The following GRM7 variants were observed in gnomAD, a reference collection of about 807,000 sequenced individuals.
GRM7 encodes the protein glutamate metabotropic receptor 7.
A neutral mutation model predicts 84.5 loss-of-function variants in GRM7; 35 were observed. The observed-to-expected ratio is 0.41, with a 90% CI of 0.32 to 0.55. The LOEUF is 0.55. Among genes scored for constraint, GRM7 ranks in the 20% least tolerant of loss-of-function variants. GRM7 has a pLI of 0.19. For missense variants in GRM7, 1,003 were observed against 1,194.6 expected, an observed-to-expected ratio of 0.84 and a Z score of 2.36; for synonymous variants, 487 against 455.1, an observed-to-expected ratio of 1.07 and a Z score of -0.89.
intron 1 of GRM7, among the ~76,000 whole-genome samples, chr3:6,923,880 C>T (rs540185406): frequency 1.3e-5 from 2 of 152,290 alleles, no homozygotes; most frequent in South Asian, 4.1e-4. Context: ...GATGTGATTT[C>T]TCTTTCTGTT....
intron 4 of GRM7, among the ~76,000 whole-genome samples, chr3:7,314,795 C>A (rs1164535697): frequency 6.6e-6 from 1 of 152,032 alleles, no homozygotes; most frequent in Admixed American, 6.6e-5. Context: ...TTTTTCCTCC[C>A]TTTGAATAAG....
chr3:7,032,020 T>A (rs1696205595), intron 1 of GRM7, among the ~76,000 whole-genome samples: 1 of 152,198 alleles, frequency 6.6e-6, no homozygotes, highest in Non-Finnish European at 1.5e-5. Context: ...TATGCTTTTA[T>A]GTCCAACGGA....
intron 8 of GRM7, among the ~76,000 whole-genome samples, chr3:7,658,731 T>TCAAA (rs1699308457): frequency 1.3e-5 from 2 of 152,192 alleles, no homozygotes; most frequent in South Asian, 2.1e-4. Context: ...CCACAGAATG[T>TCAAA]CAAACACCAA....
chr3:7,148,927 C>T (rs1487442884), intron 2 of GRM7, among the ~76,000 whole-genome samples: 1 of 152,058 alleles, frequency 6.6e-6, no homozygotes, highest in Non-Finnish European at 1.5e-5. Flanking sequence ...AAAATTAATA[C>T]CTCTTCAAGG....
intron 1 of GRM7, among the ~76,000 whole-genome samples, chr3:7,058,948 C>G (rs893343249): frequency 1.3e-5 from 2 of 151,904 alleles, no homozygotes; most frequent in African/African-American, 4.8e-5. Context: ...TGACCTAATG[C>G]TTGCTTGGAC....
chr3:7,634,797 A>G (rs1260187119), intron 8 of GRM7, among the ~76,000 whole-genome samples: 1 of 150,546 alleles, frequency 6.6e-6, no homozygotes, highest in Admixed American at 6.6e-5. Flanking sequence ...CTGTCTCAAA[A>G]AAAAAAAAAG....
intron 2 of GRM7, among the ~76,000 whole-genome samples, chr3:7,180,405 C>G (rs1695296019): frequency 2.0e-5 from 3 of 152,158 alleles, no homozygotes; most frequent in Non-Finnish European, 4.4e-5. Flanking sequence ...CTAACACACC[C>G]AAACAGCAAT....
intron 1 of GRM7, among the ~76,000 whole-genome samples, chr3:6,971,665 G>T (rs888043204): frequency 3.4e-4 from 51 of 152,222 alleles, no homozygotes; most frequent in African/African-American, 9.9e-4. Flanking sequence ...CTACTATTCA[G>T]GTTTGTATGG....
At chr3:7,191,037 T>C (rs148016357) in intron 2 of GRM7, among the ~76,000 whole-genome samples, 1,603 of 152,296 alleles carry the variant, frequency 0.011, 22 homozygotes, top group Admixed American at 0.012. Flanking sequence ...TTTTTCAATA[T>C]AACAGGGGAC....
intron 8 of GRM7, among the ~76,000 whole-genome samples, chr3:7,658,172 A>T (rs1174157352): frequency 6.6e-6 from 1 of 152,256 alleles, no homozygotes; most frequent in Non-Finnish European, 1.5e-5. Context: ...TCTAAAGTCT[A>T]AATGAATCTT....
chr3:7,240,751 C>A (rs182167462), intron 2 of GRM7, among the ~76,000 whole-genome samples: 1 of 152,274 alleles, frequency 6.6e-6, no homozygotes, highest in Admixed American at 6.5e-5. Context: ...GTGCCTGGCA[C>A]ATAAGTAAGC....
intron 2 of GRM7, among the ~76,000 whole-genome samples, chr3:7,252,911 T>C (rs188138252): frequency 1.3e-5 from 2 of 150,470 alleles, no homozygotes; most frequent in Admixed American, 1.3e-4. Flanking sequence ...AATATGGTCT[T>C]GATTTCTTGA....
intron 1 of GRM7, among the ~76,000 whole-genome samples, chr3:6,963,480 C>A (rs1255653576): frequency 1.3e-5 from 2 of 152,104 alleles, no homozygotes; most frequent in Non-Finnish European, 2.9e-5. Flanking sequence ...GCACTAATAA[C>A]CTGGGCATGG....
At chr3:7,527,356 AT>A (rs1029924815) in intron 7 of GRM7, among the ~76,000 whole-genome samples, 5 of 151,666 alleles carry the variant, frequency 3.3e-5, no homozygotes, top group South Asian at 4.2e-4. Flanking sequence ...AATGCTACTG[AT>A]TTTTTTTACA....
In GRM7 at chr3:7,726,306, T is replaced by C. The variant is rs75073248; in HGVS notation, c.2699-14051T>C. On this transcript the variant is annotated intron_variant, in intron 9 of 9. Transcript: ENST00000357716. ...GACCCTTGAAAAAGAAGAAAAGGGA[T>C]GTGGCTACTCAGGCCTGAGAGACGG... Among the ~76,000 whole-genome samples, 29 of 152,094 alleles carry C rather than the reference T, an allele frequency of 1.9e-4. No homozygotes were observed. In the East Asian group the frequency reaches 5.3e-3, roughly 28 times the overall value.
intron 2 of GRM7, among the ~76,000 whole-genome samples, chr3:7,198,232 A>C (rs1695946763): frequency 3.3e-5 from 5 of 152,176 alleles, no homozygotes; most frequent in Admixed American, 2.0e-4. Flanking sequence ...CTATATATGC[A>C]ACAGCACAGA....
chr3:7,365,107 T>C (rs1260248616), intron 4 of GRM7, among the ~76,000 whole-genome samples: 1 of 151,832 alleles, frequency 6.6e-6, no homozygotes, highest in African/African-American at 2.4e-5. Flanking sequence ...TTCCCACAGT[T>C]TTCTGGTTTT....
intron 4 of GRM7, among the ~76,000 whole-genome samples, chr3:7,339,599 T>G (rs1701558964): frequency 6.6e-6 from 1 of 152,138 alleles, no homozygotes; most frequent in Non-Finnish European, 1.5e-5. Context: ...GAGCAATAGT[T>G]AAGCAGAAGT....
chr3:7,646,441 C>T (rs368420764), intron 8 of GRM7, among the ~76,000 whole-genome samples: 1 of 152,062 alleles, frequency 6.6e-6, no homozygotes. Context: ...ATCCACCTGC[C>T]TCAGCCTCCC....
Sources: allele counts gnomAD v4.1 joint callset (sites outside exome capture counted in the v4.1 genomes callset), GRCh38; gene constraint gnomAD v4.1.1; transcripts MANE v1.5; gene names NCBI Gene and HGNC (gene_info 2026-07-23, HGNC 2026-07-21).